LUZP2: variants seen among roughly 807,000 people sequenced by gnomAD.
LUZP2 encodes the protein leucine zipper protein 2.
In LUZP2, 52 loss-of-function variants were observed where a neutral mutation model predicts 51.6. The observed-to-expected ratio is 1.01, with a 90% confidence interval of 0.81 to 1.27. LUZP2 has a LOEUF of 1.27. LUZP2 is among the 50% of genes most tolerant of loss of function. The pLI, the probability that LUZP2 is intolerant of heterozygous loss-of-function variation, is 0.00. For synonymous variants in LUZP2, 154 were observed against 137.3 expected (o/e 1.12, Z -0.85); for missense variants, 436 against 395.4 (o/e 1.10, Z -0.87).
chr11:24,729,162 G>C lies in LUZP2; in HGVS notation c.63-7G>C. On this transcript the variant is annotated splice_region_variant and splice_polypyrimidine_tract_variant and intron_variant, in intron 1 of 11. Coordinates refer to ENST00000336930, the MANE Select transcript of LUZP2 (RefSeq NM_001009909.4). The stretch of plus-strand genomic sequence containing the variant: ...GGGGGCTCTCATGCCTGTTCTTTCT[G>C]TGTTAGACAGGACTATGAAGAGCTA... The C allele has an allele frequency of 6.7e-7, 1 of 1,498,634 alleles. No individual in the cohort carries two copies. The highest frequency in any genetic ancestry group is 9.1e-7 in the Non-Finnish European group (1 of 1,103,116). 92.8% of individuals were successfully genotyped at this position (1,498,634 alleles called of 1,614,324 possible).
chr11:24,987,558 T>A (rs746822821), intron 9 of LUZP2, among the ~76,000 whole-genome samples: 1 of 151,946 alleles, frequency 6.6e-6, no homozygotes, highest in Non-Finnish European at 1.5e-5. Flanking sequence ...AGTTGCAGTT[T>A]ATATTGTTGA....
In LUZP2 at chr11:24,542,728, C is replaced by G. The variant is rs534616737; in HGVS notation, c.62+45423C>G. On this transcript the variant is annotated intron_variant, in intron 1 of 11. Coordinates refer to ENST00000336930, the MANE Select transcript of LUZP2 (RefSeq NM_001009909.4). Reference sequence around the variant, plus strand: ...CTAGTTTAACAATAAATGATAATCACTTTTATTCAAAAAAAATAGATGTTC... The same window carrying G: ...CTAGTTTAACAATAAATGATAATCAGTTTTATTCAAAAAAAATAGATGTTC... Among the ~76,000 whole-genome samples the G allele has an allele frequency of 1.1e-4, 13 of 123,038 alleles. No homozygotes were observed. The South Asian group carries it at 2.8e-3, about 27-fold the overall frequency. 80.7% of individuals were successfully genotyped at this position (123,038 alleles called of 152,430 possible).
chr11:24,584,213 G>T (rs540404697), intron 1 of LUZP2, among the ~76,000 whole-genome samples: 3 of 152,164 alleles, frequency 2.0e-5, no homozygotes, highest in African/African-American at 7.2e-5. Context: ...ACCAAATGAA[G>T]CCTGCCAGCT....
intron 4 of LUZP2, among the ~76,000 whole-genome samples, chr11:24,741,787 G>T (rs1859152893): frequency 7.2e-6 from 1 of 139,274 alleles, no homozygotes. Flanking sequence ...ATATATATAT[G>T]GTTAATATAT....
In LUZP2 at chr11:24,611,292, CA is replaced by C. The variant is rs1264255931; in HGVS notation, c.62+113992del. Among the ~76,000 whole-genome samples, 8 of 152,004 alleles carry C rather than the reference CA, an allele frequency of 5.3e-5. No individual in the cohort carries two copies. The highest frequency in any genetic ancestry group is 1.5e-5 in the Non-Finnish European group (1 of 67,988). On this transcript the variant is annotated intron_variant, in intron 1 of 11. Transcript: ENST00000336930. The surrounding 1 kb of genome is among the most constrained non-coding windows in gnomAD (Gnocchi z 4.6). ...AAAGCTTAAGGGAGCAAAATAATAA[CA>C]AAAATGCTTCTACAGTCCATTATTC...
intron 9 of LUZP2, among the ~76,000 whole-genome samples, chr11:25,047,479 G>T (rs545449079): frequency 8.6e-5 from 13 of 150,996 alleles, no homozygotes; most frequent in African/African-American, 2.7e-4. Flanking sequence ...AGTTGCGAGT[G>T]CTTTAAACTC....
chr11:25,078,117 A>G (rs11028408), intron 11 of LUZP2, among the ~76,000 whole-genome samples: 56,000 of 152,088 alleles, frequency 0.37, 11,983 homozygotes, highest in East Asian at 0.79. Context: ...AGTACATATT[A>G]CTTACAAGAA....
At chr11:24,540,879 A>AAT (rs1554951420) in intron 1 of LUZP2, among the ~76,000 whole-genome samples, 1 of 152,136 alleles carries the variant, frequency 6.6e-6, no homozygotes, top group African/African-American at 2.4e-5. Flanking sequence ...ACAAAAAAAA[A>AAT]TTTGAAACAA....
At chr11:24,551,094 GAGT>G (rs1001304009) in intron 1 of LUZP2, among the ~76,000 whole-genome samples, 16 of 152,002 alleles carry the variant, frequency 1.1e-4, no homozygotes. Context: ...TATTACATAT[GAGT>G]ATACATTTAT....
chr11:24,732,755 A>G (rs1858759061), intron 3 of LUZP2, among the ~76,000 whole-genome samples: 1 of 151,748 alleles, frequency 6.6e-6, no homozygotes, highest in Non-Finnish European at 1.5e-5. Flanking sequence ...AAAGAAAAAC[A>G]AGTATTTTAA....
intron 9 of LUZP2, among the ~76,000 whole-genome samples, chr11:25,019,753 A>C (rs1857275469): frequency 6.6e-6 from 1 of 152,072 alleles, no homozygotes. Context: ...CATGCACACT[A>C]TTTAAACTGC....
chr11:24,668,663 A>G (rs1331906522), intron 1 of LUZP2, among the ~76,000 whole-genome samples: 1 of 152,160 alleles, frequency 6.6e-6, no homozygotes, highest in African/African-American at 2.4e-5. Context: ...ACTTCCCTAA[A>G]CAAAGGAACA....
chr11:24,732,358 A>C (rs1858744999), intron 3 of LUZP2, among the ~76,000 whole-genome samples, 170 bp downstream of exon 3: 1 of 151,764 alleles, frequency 6.6e-6, no homozygotes, highest in Non-Finnish European at 1.5e-5. Context: ...ATTCTTACAC[A>C]ACTGGGGTGG....
intron 9 of LUZP2, among the ~76,000 whole-genome samples, chr11:24,997,586 G>C (rs1856546526): frequency 6.6e-6 from 1 of 152,034 alleles, no homozygotes. Flanking sequence ...TCACTCTGAT[G>C]GTAGTTTCTT....
intron 1 of LUZP2, among the ~76,000 whole-genome samples, chr11:24,714,791 G>A (rs892921829): frequency 2.6e-5 from 4 of 152,154 alleles, no homozygotes; most frequent in Admixed American, 6.5e-5. Context: ...TTGATAGCCT[G>A]ACTACTAGAG....
At chr11:25,020,322 C>A (rs1004660727) in intron 9 of LUZP2, among the ~76,000 whole-genome samples, 1 of 151,986 alleles carries the variant, frequency 6.6e-6, no homozygotes, top group African/African-American at 2.4e-5. Flanking sequence ...GACCATCTTC[C>A]ATTTGTGATT....
Position 24,538,714 on chromosome 11 carries a change from A to C in LUZP2, c.62+41409A>C, listed in dbSNP as rs151152668. On this transcript the variant is annotated intron_variant, in intron 1 of 11. Transcript: ENST00000336930. ...TCAAAAAAATAAGTCCATTTCTGAT[A>C]ATTTATTTTGTAAAAATAATTGTGA... Among the ~76,000 whole-genome samples, 95 of 151,774 alleles carry C rather than the reference A, an allele frequency of 6.3e-4. 1 individual carries two copies. The highest frequency in any genetic ancestry group is 4.0e-3 in the Admixed American group (60 of 15,158).
chr11:25,054,287 G>T (rs1167506657), intron 10 of LUZP2, among the ~76,000 whole-genome samples: 1 of 152,182 alleles, frequency 6.6e-6, no homozygotes, highest in Non-Finnish European at 1.5e-5. Flanking sequence ...AGCAGAACCT[G>T]AAGTCCTAAT....
chr11:24,553,741 G>C (rs1260011206), intron 1 of LUZP2, among the ~76,000 whole-genome samples: 1 of 152,058 alleles, frequency 6.6e-6, no homozygotes, highest in South Asian at 2.1e-4. Context: ...GCTATGGTAC[G>C]TATCTGTGCC....
Sources: allele counts gnomAD v4.1 joint callset (sites outside exome capture counted in the v4.1 genomes callset), GRCh38; gene constraint gnomAD v4.1.1; non-coding constraint Gnocchi (gnomAD v3.1); transcripts MANE v1.5; gene names NCBI Gene and HGNC (gene_info 2026-07-23, HGNC 2026-07-21).